DNAJC24: variants seen among roughly 807,000 people sequenced by gnomAD.
The protein encoded by DNAJC24 is DnaJ heat shock protein family (Hsp40) member C24.
In DNAJC24, 17 loss-of-function variants were observed where a neutral mutation model predicts 18.0. That is an observed-to-expected ratio of 0.94 (90% confidence interval 0.65 to 1.42). The LOEUF is 1.42. Among genes scored for constraint, DNAJC24 ranks in the 40% most tolerant of loss-of-function variants. The pLI, the probability that DNAJC24 is intolerant of heterozygous loss-of-function variation, is 0.00. For missense variants in DNAJC24, 158 were observed against 175.6 expected, an observed-to-expected ratio of 0.90 and a Z score of 0.57; for synonymous variants, 55 against 57.7, an observed-to-expected ratio of 0.95 and a Z score of 0.21.
chr11:31,370,826 C>G lies in DNAJC24; in HGVS notation c.78C>G (p.Asp26Glu), dbSNP rs777441540. 2.0e-5 allele frequency: 33 copies of G among 1,609,790 alleles called. No homozygotes were observed. Among genetic ancestry groups the G allele is most frequent in the Non-Finnish European group, 8.5e-7 (1 of 1,178,122 alleles). Residue 26 changes from aspartate to glutamate, a missense_variant, in exon 2 of 5, where the codon GAC becomes GAG. Asp to Glu is a conservative substitution (Grantham distance 45, BLOSUM62 2). Transcript: ENST00000465995. ...LGADPSANIS[D>E]LKQKYQKLIL... ...CAGACCCATCTGCAAATATATCAGA[C>G]CTAAAACAAAAATATCAAAAACTCA... is the stretch of plus-strand genomic sequence containing the variant.
intron 2 of DNAJC24, among the ~76,000 whole-genome samples, chr11:31,371,090 A>G (rs777227271): frequency 2.6e-5 from 4 of 152,226 alleles, no homozygotes; most frequent in South Asian, 2.1e-4. Flanking sequence ...TCTTGAGTCC[A>G]TCTTTATCTG....
At chr11:31,372,565 A>G (rs1417062735) in intron 2 of DNAJC24, among the ~76,000 whole-genome samples, 5 of 136,024 alleles carry the variant, frequency 3.7e-5, no homozygotes, top group African/African-American at 1.2e-4. Context: ...CTGGAAAAGT[A>G]GACTGGATCA....
chr11:31,432,672 CTT>C lies in DNAJC24; in HGVS notation c.*2273_*2274del. On this transcript the variant is annotated 3_prime_UTR_variant, in exon 5 of 5. Transcript: ENST00000465995. ...CCCTTTTCTCTATGCCAGATAAACACTTTCTCCTTACTCATCAATCAAGAATA... is the reference window on the plus strand; with the variant it reads ...CCCTTTTCTCTATGCCAGATAAACACTCTCCTTACTCATCAATCAAGAATA... The C allele has an allele frequency of 1.3e-6, 1 of 744,096 alleles. No individual in the cohort carries two copies. The highest frequency in any genetic ancestry group is 1.6e-5 in the South Asian group (1 of 61,144). The allele number at this position is 744,096 out of a possible 1,614,324, so 46.1% of individuals were successfully genotyped here.
intron 2 of DNAJC24, among the ~76,000 whole-genome samples, chr11:31,413,117 T>A (rs1473307233): frequency 6.6e-6 from 1 of 152,092 alleles, no homozygotes; most frequent in Non-Finnish European, 1.5e-5. Flanking sequence ...ATAATTTAAA[T>A]GATTGTACCA....
intron 2 of DNAJC24, among the ~76,000 whole-genome samples, chr11:31,413,843 C>G (rs1952731871): frequency 6.6e-6 from 1 of 152,022 alleles, no homozygotes; most frequent in Non-Finnish European, 1.5e-5. Context: ...GATTTTTTCA[C>G]TGAAATGTCT....
chr11:31,396,948 C>T (rs1258809348), intron 2 of DNAJC24, among the ~76,000 whole-genome samples: 2 of 152,160 alleles, frequency 1.3e-5, no homozygotes, highest in Non-Finnish European at 1.5e-5. Context: ...TTTGCTACTT[C>T]CCTCTCCCTG....
chr11:31,429,497 C>T, intron 4 of DNAJC24: 1 of 395,360 alleles, frequency 2.5e-6, no homozygotes, highest in Non-Finnish European at 5.4e-6. Context: ...TTCTCAGAGA[C>T]AGTAAAATGG....
At position 31,414,896 on chromosome 11, in the gene DNAJC24, G is replaced by A. The variant is rs1952739491; in HGVS notation, c.197G>A (p.Trp66Ter). Residue 66 changes from tryptophan (W) to a stop codon, truncating the protein, a stop_gained, in exon 3 of 5, where the codon TGG (tryptophan) becomes TAG (stop). Coordinates refer to ENST00000465995, the MANE Select transcript of DNAJC24 (RefSeq NM_181706.5). LOFTEE classifies it high-confidence loss of function. ...AAGTTCATCGAAATTGATCAAGCAT[G>A]GAAAATTCTAGGAAATGAAGAGACA... ...VQKFIEIDQA[W>*]KILGNEETKR... The A allele has an allele frequency of 6.2e-7, 1 of 1,614,058 alleles. No individual in the cohort carries two copies. Among genetic ancestry groups the A allele is most frequent in the African/African-American group, 1.3e-5 (1 of 75,038 alleles).
intron 2 of DNAJC24, among the ~76,000 whole-genome samples, chr11:31,371,558 C>T (rs1952254259): frequency 6.6e-6 from 1 of 151,726 alleles, no homozygotes; most frequent in Non-Finnish European, 1.5e-5. Context: ...AGTTAAACTC[C>T]CTGTCTGATA....
At chr11:31,424,467 A>C (rs1952840665) in intron 3 of DNAJC24, among the ~76,000 whole-genome samples, 1 of 152,114 alleles carries the variant, frequency 6.6e-6, no homozygotes, top group Non-Finnish European at 1.5e-5. Context: ...TTTTGTCCCC[A>C]CTCATGAAAA....
At chr11:31,406,056 G>A (rs1952655111) in intron 2 of DNAJC24, among the ~76,000 whole-genome samples, 1 of 152,006 alleles carries the variant, frequency 6.6e-6, no homozygotes, top group Admixed American at 6.5e-5. Flanking sequence ...TTTAACATGA[G>A]TTTTGGATTG....
intron 2 of DNAJC24, among the ~76,000 whole-genome samples, chr11:31,385,911 A>G (rs970526101): frequency 2.0e-5 from 3 of 152,150 alleles, no homozygotes; most frequent in Non-Finnish European, 4.4e-5. Context: ...CAGTGGCCAC[A>G]TGGCGTGGAA....
intron 2 of DNAJC24, among the ~76,000 whole-genome samples, chr11:31,410,075 G>A (rs980692621): frequency 2.6e-5 from 4 of 151,836 alleles, no homozygotes; most frequent in Non-Finnish European, 5.9e-5. Context: ...GTAAAACTGG[G>A]TTTCACCATG....
At chr11:31,388,292 A>G (rs1053335951) in intron 2 of DNAJC24, among the ~76,000 whole-genome samples, 1 of 152,170 alleles carries the variant, frequency 6.6e-6, no homozygotes, top group African/African-American at 2.4e-5. Flanking sequence ...GATTTAACCG[A>G]AATAAGACTA....
intron 2 of DNAJC24, among the ~76,000 whole-genome samples, chr11:31,393,804 A>C (rs1196053969): frequency 6.6e-6 from 1 of 152,112 alleles, no homozygotes; most frequent in Non-Finnish European, 1.5e-5. Context: ...AATTAATTGT[A>C]ATATATATTT....
chr11:31,430,431 G>A lies in DNAJC24; in HGVS notation c.*30G>A, dbSNP rs557590076. The A allele has an allele frequency of 1.9e-6, 3 of 1,580,696 alleles. No homozygotes were observed. Among genetic ancestry groups the A allele is most frequent in the Admixed American group, 1.7e-5 (1 of 58,372 alleles). On this transcript the variant is annotated 3_prime_UTR_variant, in exon 5 of 5. Coordinates refer to ENST00000465995, the MANE Select transcript of DNAJC24 (RefSeq NM_181706.5). Reference sequence around the variant, plus strand: ...GTTCACAACTTGAAATGCTTTAACTGTGGTATTGAGACATGATGAGAAGCC... The same window carrying A: ...GTTCACAACTTGAAATGCTTTAACTATGGTATTGAGACATGATGAGAAGCC...
At chr11:31,422,592 A>T (rs1952817621) in intron 3 of DNAJC24, among the ~76,000 whole-genome samples, 1 of 152,196 alleles carries the variant, frequency 6.6e-6, no homozygotes, top group Non-Finnish European at 1.5e-5. Context: ...CTAGATACCT[A>T]TTAAAATGTT....
chr11:31,415,512 T>C (rs1952744498), intron 3 of DNAJC24: 1 of 152,238 alleles, frequency 6.6e-6, no homozygotes, highest in Admixed American at 6.5e-5. Flanking sequence ...AAATAGCTTT[T>C]TAAAACAGTG....
intron 2 of DNAJC24, among the ~76,000 whole-genome samples, chr11:31,376,039 A>AT (rs1952310491): frequency 5.7e-5 from 5 of 87,274 alleles, no homozygotes; most frequent in Non-Finnish European, 9.9e-5. Flanking sequence ...AGTGGGAGAT[A>AT]ATTGAATCAT....
Sources: allele counts gnomAD v4.1 joint callset (sites outside exome capture counted in the v4.1 genomes callset), GRCh38; gene constraint gnomAD v4.1.1; transcripts MANE v1.5; gene names NCBI Gene and HGNC (gene_info 2026-07-23, HGNC 2026-07-21).